The following CYYR1 variants were observed in gnomAD, a reference collection of about 807,000 sequenced individuals.
CYYR1 encodes cysteine and tyrosine rich 1, also known as cysteine and tyrosine-rich protein 1.
CYYR1 carries 14 observed loss-of-function variants against 15.2 expected under a neutral mutation model. The ratio of observed to expected loss-of-function variants is 0.92; its 90% confidence interval spans 0.61 to 1.44. CYYR1 has a LOEUF of 1.44. CYYR1 is among the 40% of genes most tolerant of loss of function. The pLI is 0.00. For synonymous variants in CYYR1, 80 were observed against 77.4 expected (o/e 1.03, Z -0.18); for missense variants, 228 against 209.5 (o/e 1.09, Z -0.54).
chr21:26,476,280 C>T (rs2065101919), intron 3 of CYYR1, among the ~76,000 whole-genome samples: 1 of 152,080 alleles, frequency 6.6e-6, no homozygotes. Context: ...ACTGTGTTGT[C>T]CTCAGAGTAA....
At chr21:26,527,455 A>G (rs2065881939) in intron 2 of CYYR1, among the ~76,000 whole-genome samples, 1 of 152,142 alleles carries the variant, frequency 6.6e-6, no homozygotes, top group African/African-American at 2.4e-5. Context: ...CAAACCTCAA[A>G]GGTTAGAAAG....
At chr21:26,553,178 C>A (rs1979518116) in intron 2 of CYYR1, among the ~76,000 whole-genome samples, 2 of 152,086 alleles carry the variant, frequency 1.3e-5, no homozygotes, top group Non-Finnish European at 2.9e-5. Flanking sequence ...ACTTTCCTGG[C>A]CTCTAAGGTT....
intron 3 of CYYR1, chr21:26,478,193 T>C: frequency 6.5e-7 from 1 of 1,540,876 alleles, no homozygotes; most frequent in Non-Finnish European, 8.8e-7. Context: ...AACTATACGA[T>C]ATCTTGGAAG....
At chr21:26,480,901 C>T (rs2065171608) in intron 2 of CYYR1, among the ~76,000 whole-genome samples, 3 of 152,106 alleles carry the variant, frequency 2.0e-5, no homozygotes, top group Non-Finnish European at 4.4e-5. Flanking sequence ...CTTCATAGAA[C>T]AAGAATATTT....
In CYYR1 at chr21:26,480,496, C is replaced by A. The variant is rs1458894965; in HGVS notation, c.177-67G>T. On this transcript the variant is annotated intron_variant, in intron 2 of 3. Transcript: ENST00000652641. The stretch of plus-strand genomic sequence containing the variant: ...GCATTCTTTAGACTTTCTAGTAGAG[C>A]TCCATGATTATAGGACAAGTGTTTT... 3.4e-6 allele frequency: 5 copies of A among 1,462,278 alleles called. No individual in the cohort carries two copies. The East Asian group carries it at 1.2e-4, about 34-fold the overall frequency. 90.6% of individuals were successfully genotyped at this position (1,462,278 alleles called of 1,614,324 possible). A position where few individuals can be genotyped will look rare whatever the true frequency, so the allele number is the denominator to read the frequency against.
At chr21:26,540,421 A>G (rs987295621) in intron 2 of CYYR1, among the ~76,000 whole-genome samples, 5 of 152,166 alleles carry the variant, frequency 3.3e-5, no homozygotes, top group Non-Finnish European at 7.4e-5. Context: ...TTTAAAAACC[A>G]GGGGACAGAG....
chr21:26,489,039 T>G (rs1437275071), intron 2 of CYYR1, among the ~76,000 whole-genome samples: 1 of 152,152 alleles, frequency 6.6e-6, no homozygotes, highest in African/African-American at 2.4e-5. Context: ...AAAGCAAATA[T>G]TTAATGTGGA....
At chr21:26,545,567 CTTTTTTTTTTTT>C (rs770885517) in intron 2 of CYYR1, among the ~76,000 whole-genome samples, 70 of 73,750 alleles carry the variant, frequency 9.5e-4, no homozygotes, top group Admixed American at 1.6e-3. Flanking sequence ...GATGCTTATT[CTTTTTTTTTTTT>C]TTTTTTTTTT....
chr21:26,549,658 A>C (rs1160287681), intron 2 of CYYR1, among the ~76,000 whole-genome samples: 1 of 152,128 alleles, frequency 6.6e-6, no homozygotes, highest in Non-Finnish European at 1.5e-5. Flanking sequence ...AAAAGTGTAG[A>C]GTGTGGGCCA....
intron 2 of CYYR1, among the ~76,000 whole-genome samples, chr21:26,564,448 C>G (rs1980465568): frequency 6.6e-6 from 1 of 151,992 alleles, no homozygotes; most frequent in African/African-American, 2.4e-5. Context: ...TTTTTTCCCC[C>G]AAACATAGCA....
intron 2 of CYYR1, among the ~76,000 whole-genome samples, chr21:26,501,842 C>T (rs137954255): frequency 6.6e-6 from 1 of 152,222 alleles, no homozygotes; most frequent in East Asian, 1.9e-4. Context: ...ATGAAGAACA[C>T]GCCATGAGAG....
chr21:26,493,057 A>G (rs575649091), intron 2 of CYYR1, among the ~76,000 whole-genome samples: 279 of 152,274 alleles, frequency 1.8e-3, no homozygotes, highest in Middle Eastern at 3.4e-3. Flanking sequence ...ATTAGAGCAG[A>G]AGCACATTTC....
intron 2 of CYYR1, among the ~76,000 whole-genome samples, chr21:26,505,712 T>C (rs1319320105): frequency 2.0e-5 from 3 of 152,190 alleles, no homozygotes; most frequent in Admixed American, 6.5e-5. Flanking sequence ...TAGCTAATCA[T>C]GAGCTGCTGT....
At chr21:26,504,823 C>A (rs2065532619) in intron 2 of CYYR1, among the ~76,000 whole-genome samples, 1 of 152,114 alleles carries the variant, frequency 6.6e-6, no homozygotes, top group African/African-American at 2.4e-5. Flanking sequence ...CCCTTCCCAG[C>A]CTCTGGTAAC....
At chr21:26,544,056 G>A (rs1006756304) in intron 2 of CYYR1, among the ~76,000 whole-genome samples, 3 of 152,144 alleles carry the variant, frequency 2.0e-5, no homozygotes, top group Non-Finnish European at 4.4e-5. Flanking sequence ...GACATTAGAA[G>A]ACAACTTGTT....
chr21:26,500,672 G>T (rs1191833744), intron 2 of CYYR1, among the ~76,000 whole-genome samples: 1 of 152,144 alleles, frequency 6.6e-6, no homozygotes, highest in Non-Finnish European at 1.5e-5. Flanking sequence ...TGCACTGGGG[G>T]TGGGGAGGAC....
Position 26,571,616 on chromosome 21 carries a change from A to G in CYYR1, c.73+1252T>C, listed in dbSNP as rs182955762. 2.0e-5 allele frequency among the ~76,000 whole-genome samples: 3 copies of G among 152,394 alleles called. No individual in the cohort carries two copies. In the East Asian group the frequency reaches 5.8e-4, roughly 29 times the overall value. On this transcript the variant is annotated intron_variant, in intron 1 of 3. Transcript: ENST00000652641. ...TTGTCGAGCAGAGGAAGTGAAAAGCATAATTACTTCGAAAGAACTAATAAA... is the reference window on the plus strand; with the variant it reads ...TTGTCGAGCAGAGGAAGTGAAAAGCGTAATTACTTCGAAAGAACTAATAAA...
chr21:26,566,068 T>C (rs1296958494), intron 2 of CYYR1, among the ~76,000 whole-genome samples, 198 bp downstream of exon 2: 1 of 152,260 alleles, frequency 6.6e-6, no homozygotes, highest in Non-Finnish European at 1.5e-5. Context: ...ATTTATTTTG[T>C]ATATTATTTT....
intron 3 of CYYR1, among the ~76,000 whole-genome samples, chr21:26,474,615 T>A (rs1485014853): frequency 1.3e-5 from 2 of 152,074 alleles, no homozygotes; most frequent in Admixed American, 1.3e-4. Flanking sequence ...ATGGTCTCTC[T>A]TTCCTCCACA....
Sources: gnomAD v4.1 joint callset for allele counts (sites outside exome capture counted in the v4.1 genomes callset) on GRCh38, gnomAD v4.1.1 for gene constraint, MANE v1.5 for transcripts, NCBI Gene and HGNC (gene_info 2026-07-23, HGNC 2026-07-21) for gene names.